FRY: variants seen among roughly 807,000 people sequenced by gnomAD.
FRY encodes FRY microtubule binding protein, also known as protein furry homolog.
A neutral mutation model predicts 348.4 loss-of-function variants in FRY; 128 were observed. The observed-to-expected ratio is 0.37, with a 90% CI of 0.32 to 0.43. FRY has a LOEUF of 0.43. Among genes scored for constraint, FRY ranks in the 20% least tolerant of loss-of-function variants. The probability of loss-of-function intolerance (pLI) is 1.00; values close to 1 mark genes in which losing one functional copy is unlikely to be tolerated. For synonymous variants in FRY, 1,370 were observed against 1,374.7 expected, an observed-to-expected ratio of 1.00 and a Z score of 0.08; for missense variants, 2,736 against 3,695.2, an observed-to-expected ratio of 0.74 and a Z score of 6.73.
intron 2 of FRY, among the ~76,000 whole-genome samples, chr13:32,088,102 A>C (rs1016355693): frequency 2.0e-4 from 30 of 152,366 alleles, no homozygotes; most frequent in African/African-American, 6.7e-4. Flanking sequence ...GCCAGCCTTA[A>C]TGTCTTTCTG....
At chr13:32,144,746 C>T (rs1880294497) in intron 11 of FRY, among the ~76,000 whole-genome samples, 1 of 152,050 alleles carries the variant, frequency 6.6e-6, no homozygotes, top group South Asian at 2.1e-4. Flanking sequence ...TTCATTGACC[C>T]CGTGCAGAAC....
intron 8 of FRY, among the ~76,000 whole-genome samples, chr13:32,133,049 G>A (rs1203040095): frequency 6.6e-6 from 1 of 152,200 alleles, no homozygotes; most frequent in Non-Finnish European, 1.5e-5. Flanking sequence ...GAGTGGATAG[G>A]GAGGTTGCAG....
intron 11 of FRY, among the ~76,000 whole-genome samples, chr13:32,140,890 A>G (rs1288732889): frequency 1.3e-5 from 2 of 152,198 alleles, no homozygotes; most frequent in Non-Finnish European, 2.9e-5. Flanking sequence ...TGAGTAATAT[A>G]TTAAGGATTC....
At chr13:32,281,178 G>T (rs1024714368) in intron 58 of FRY, among the ~76,000 whole-genome samples, 5 of 152,092 alleles carry the variant, frequency 3.3e-5, no homozygotes, top group African/African-American at 1.2e-4. Context: ...TACTATAAAG[G>T]CTTGAGAGTA....
chr13:32,167,422 C>T (rs957190386), intron 17 of FRY, among the ~76,000 whole-genome samples: 3 of 152,198 alleles, frequency 2.0e-5, no homozygotes, highest in African/African-American at 7.2e-5. Flanking sequence ...GTAGAAGCAT[C>T]ACCCTGATGT....
chr13:32,046,026 T>G (rs1446504856), intron 1 of FRY, among the ~76,000 whole-genome samples: 1 of 152,192 alleles, frequency 6.6e-6, no homozygotes, highest in Non-Finnish European at 1.5e-5. Flanking sequence ...AATTCTCAAG[T>G]GTCCCTCGTA....
At position 32,179,114 on chromosome 13, in the gene FRY, A is replaced by C. The variant is rs755281843; in HGVS notation, c.2871+81A>C. On this transcript the variant is annotated intron_variant, in intron 22 of 60. Transcript: ENST00000542859. ...GTCTAGAGTTCACAGTGCAAATTGC[A>C]CTGTGCCTGCCATCTGGAGTATTAT... 4 of 1,024,440 alleles carry C rather than the reference A, an allele frequency of 3.9e-6. No individual in the cohort carries two copies. The East Asian group carries it at 7.5e-5, about 19-fold the overall frequency. 63.5% of individuals were successfully genotyped at this position (1,024,440 alleles called of 1,614,324 possible). A position where few individuals can be genotyped will look rare whatever the true frequency, so the allele number is the denominator to read the frequency against.
chr13:32,124,559 T>A, intron 5 of FRY, 43 bp from the exon 6 acceptor site: 1 of 1,186,142 alleles, frequency 8.4e-7, no homozygotes, highest in East Asian at 2.3e-5. Context: ...CGATTTGTTC[T>A]TTAATATTCC....
At chr13:32,119,682 T>A (rs1234078860) in intron 4 of FRY, among the ~76,000 whole-genome samples, 1 of 152,184 alleles carries the variant, frequency 6.6e-6, no homozygotes, top group Non-Finnish European at 1.5e-5. Context: ...ATAATGGATA[T>A]AAAGCCTGAT....
intron 20 of FRY, 114 bp from the exon 21 acceptor site, chr13:32,178,063 G>A: frequency 9.2e-7 from 1 of 1,083,324 alleles, no homozygotes; most frequent in Non-Finnish European, 1.4e-6. Context: ...TTCAAAGCCA[G>A]CCCAGTGCAC....
intron 1 of FRY, among the ~76,000 whole-genome samples, chr13:32,078,072 T>C (rs1875218073): frequency 1.3e-5 from 2 of 152,216 alleles, no homozygotes; most frequent in South Asian, 4.1e-4. Flanking sequence ...AAAAAAAGTT[T>C]AGCAACTATC....
Position 32,239,987 on chromosome 13 carries a change from C to T in FRY, c.6687+106C>T, listed in dbSNP as rs914468843. ...CCTCCTGCCTTCGCCTCCCAGAGTG[C>T]TAGGATTACAGGCGTGGGCCACCAT... On this transcript the variant is annotated intron_variant, in intron 46 of 60. Transcript: ENST00000542859. The surrounding 1 kb of genome is among the most constrained non-coding windows in gnomAD (Gnocchi z 4.3). The T allele has an allele frequency of 1.2e-5, 11 of 932,566 alleles. No individual in the cohort carries two copies. The highest frequency in any genetic ancestry group is 1.7e-5 in the Non-Finnish European group (10 of 602,406). 57.8% of individuals were successfully genotyped at this position (932,566 alleles called of 1,614,324 possible).
chr13:32,268,505 A>AAAAAAAATAT (rs1555273232), intron 55 of FRY, among the ~76,000 whole-genome samples: 2 of 28,304 alleles, frequency 7.1e-5, no homozygotes, highest in African/African-American at 1.9e-4. Context: ...AAAAAAAAAA[A>AAAAAAAATAT]ATATATATAT....
chr13:32,039,010 G>T (rs1006949365), intron 1 of FRY, among the ~76,000 whole-genome samples: 1 of 152,114 alleles, frequency 6.6e-6, no homozygotes, highest in African/African-American at 2.4e-5. Flanking sequence ...AAGTTTCCAG[G>T]ACTTCAGGGA....
At chr13:32,081,285 A>G (rs1176177361) in intron 2 of FRY, among the ~76,000 whole-genome samples, 1 of 152,152 alleles carries the variant, frequency 6.6e-6, no homozygotes, top group Non-Finnish European at 1.5e-5. Flanking sequence ...GACACACTTG[A>G]TGTTTTTAGC....
intron 1 of FRY, among the ~76,000 whole-genome samples, chr13:32,053,789 T>C (rs985153576): frequency 1.3e-5 from 2 of 152,208 alleles, no homozygotes; most frequent in Non-Finnish European, 2.9e-5. Flanking sequence ...CTAGGTTGTC[T>C]CCTTCTTGGG....
At chr13:32,060,633 T>C (rs755344742) in intron 1 of FRY, among the ~76,000 whole-genome samples, 3 of 152,184 alleles carry the variant, frequency 2.0e-5, no homozygotes, top group Admixed American at 6.5e-5. Context: ...CCTACCTTTC[T>C]TGAATCACAG....
intron 13 of FRY, 118 bp downstream of exon 13, chr13:32,148,065 C>T: frequency 1.4e-6 from 1 of 720,688 alleles, no homozygotes; most frequent in South Asian, 1.5e-5. Context: ...GTTTAGACTT[C>T]TGTGAAAGAT....
intron 54 of FRY, among the ~76,000 whole-genome samples, chr13:32,266,288 AG>A (rs1459199836): frequency 6.6e-6 from 1 of 152,226 alleles, no homozygotes; most frequent in African/African-American, 2.4e-5. Context: ...TCAAAGGAAA[AG>A]GTTAAGGTAA....
Sources: allele counts gnomAD v4.1 joint callset (sites outside exome capture counted in the v4.1 genomes callset), GRCh38; gene constraint gnomAD v4.1.1; non-coding constraint Gnocchi (gnomAD v3.1); transcripts MANE v1.5; gene names NCBI Gene and HGNC (gene_info 2026-07-23, HGNC 2026-07-21).